TLE4: variants seen among roughly 807,000 people sequenced by gnomAD.
TLE4 encodes the protein TLE family member 4, transcriptional corepressor.
Under a neutral mutation model 92.8 loss-of-function variants are expected in TLE4, and 8 were observed. That is an observed-to-expected ratio of 0.09 (90% CI 0.05 to 0.16). The LOEUF (loss-of-function observed/expected upper bound fraction) is 0.16. Among genes scored for constraint, TLE4 ranks in the 10% least tolerant of loss-of-function variants. The probability of loss-of-function intolerance (pLI) is 1.00; values close to 1 mark genes in which losing one functional copy is unlikely to be tolerated. For missense variants in TLE4, 675 were observed against 997.6 expected (o/e 0.68, Z 4.36); for synonymous variants, 371 against 374.1 (o/e 0.99, Z 0.10).
At chr9:79,608,295 A>T (rs529803770) in intron 4 of TLE4, among the ~76,000 whole-genome samples, 3 of 152,178 alleles carry the variant, frequency 2.0e-5, no homozygotes, top group South Asian at 4.1e-4. Flanking sequence ...TTTTTAATCT[A>T]GGGTCAGGCA....
At chr9:79,685,609 A>C (rs2065679295) in intron 8 of TLE4, among the ~76,000 whole-genome samples, 1 of 152,216 alleles carries the variant, frequency 6.6e-6, no homozygotes, top group South Asian at 2.1e-4. Flanking sequence ...GGATTATTCA[A>C]GCCTTTCCTA....
chr9:79,719,043 T>C lies in TLE4; in HGVS notation c.1590+72T>C, dbSNP rs933856727. Reference sequence around the variant, plus strand: ...AGGAGGGGCTGATGAGAGAACTGTATGTATGAGCAACACCACACAGTATTG... The same window carrying C: ...AGGAGGGGCTGATGAGAGAACTGTACGTATGAGCAACACCACACAGTATTG... On this transcript the variant is annotated intron_variant, in intron 15 of 19. Coordinates refer to ENST00000376552, the MANE Select transcript of TLE4 (RefSeq NM_007005.6). 22 of 1,546,032 alleles carry C rather than the reference T, an allele frequency of 1.4e-5. No individual in the cohort carries two copies. The Admixed American group carries it at 2.4e-4, about 17-fold the overall frequency.
chr9:79,590,771 A>G (rs753984586), intron 4 of TLE4, among the ~76,000 whole-genome samples: 5 of 152,194 alleles, frequency 3.3e-5, no homozygotes, highest in African/African-American at 4.8e-5. Flanking sequence ...ATTTTGAATC[A>G]TGCTTTTTTG....
intron 17 of TLE4, 88 bp downstream of exon 17, chr9:79,721,976 C>T (rs1588655123): frequency 6.6e-7 from 1 of 1,516,258 alleles, no homozygotes; most frequent in East Asian, 2.3e-5. Flanking sequence ...ACCATCCTGG[C>T]CAACATGGTG....
chr9:79,668,697 G>A (rs2061788644), intron 8 of TLE4: 2 of 340,922 alleles, frequency 5.9e-6, no homozygotes, highest in African/African-American at 4.5e-5. Flanking sequence ...GCATGACGTT[G>A]AGGTGGGGAG....
intron 8 of TLE4, among the ~76,000 whole-genome samples, chr9:79,670,866 A>G (rs751626836): frequency 5.3e-5 from 8 of 150,960 alleles, no homozygotes; most frequent in Non-Finnish European, 1.2e-4. Context: ...GTAGGTCCTT[A>G]TTGGTTTTTT....
intron 8 of TLE4, among the ~76,000 whole-genome samples, chr9:79,669,455 T>G (rs1171128136): frequency 1.3e-5 from 2 of 152,222 alleles, no homozygotes; most frequent in Non-Finnish European, 2.9e-5. Context: ...AAGAGTGCGT[T>G]TCAGTGATAG....
At chr9:79,646,681 A>G (rs1371424893) in intron 6 of TLE4, among the ~76,000 whole-genome samples, 2 of 152,218 alleles carry the variant, frequency 1.3e-5, no homozygotes, top group Non-Finnish European at 2.9e-5. Flanking sequence ...AAGCTTAAAA[A>G]TGACCACTAA....
chr9:79,718,950 T>A lies in TLE4; in HGVS notation c.1569T>A (p.Pro523=), dbSNP rs1488814376. ...WDISHPGNKS[P]VSQLDCLNRD... Reference sequence around the variant, plus strand: ...TCAGCCACCCAGGCAATAAGAGTCCTGTCTCCCAGCTCGACTGTCTGGTGA... The same window carrying A: ...TCAGCCACCCAGGCAATAAGAGTCCAGTCTCCCAGCTCGACTGTCTGGTGA... Residue 523 remains proline (P), a synonymous_variant, in exon 15 of 20, where the codon CCT becomes CCA. Transcript: ENST00000376552. 6 of 1,611,570 alleles carry A rather than the reference T, an allele frequency of 3.7e-6. No individual in the cohort carries two copies. The South Asian group carries it at 6.6e-5, about 18-fold the overall frequency.
intron 6 of TLE4, among the ~76,000 whole-genome samples, chr9:79,644,009 T>TTA (rs1366823712): frequency 6.6e-6 from 1 of 152,158 alleles, no homozygotes; most frequent in Non-Finnish European, 1.5e-5. Flanking sequence ...GAGTGTTTAT[T>TTA]ATTTGCCAAA....
chr9:79,578,893 A>G (rs1414519714), intron 4 of TLE4, among the ~76,000 whole-genome samples: 2 of 151,260 alleles, frequency 1.3e-5, no homozygotes, highest in African/African-American at 4.9e-5. Context: ...TAAAATATGA[A>G]TCTAAATTTC....
chr9:79,624,703 G>C (rs2052026848), intron 5 of TLE4, among the ~76,000 whole-genome samples: 2 of 152,180 alleles, frequency 1.3e-5, no homozygotes, highest in South Asian at 4.1e-4. Flanking sequence ...GATATCCCCT[G>C]CTGCCTAAGG....
intron 19 of TLE4, 73 bp downstream of exon 19, chr9:79,723,108 A>C: frequency 7.0e-7 from 1 of 1,434,914 alleles, no homozygotes; most frequent in Non-Finnish European, 9.8e-7. Flanking sequence ...CAGATTAATA[A>C]TGTGCAGAAG....
chr9:79,592,276 T>C, intron 4 of TLE4, among the ~76,000 whole-genome samples: 1 of 125,312 alleles, frequency 8.0e-6, no homozygotes, highest in East Asian at 2.1e-4. Flanking sequence ...CTTCTTCTTC[T>C]TTTTTTTTTT....
intron 6 of TLE4, among the ~76,000 whole-genome samples, chr9:79,645,755 T>TA (rs1174159184): frequency 6.6e-6 from 1 of 152,226 alleles, no homozygotes; most frequent in African/African-American, 2.4e-5. Context: ...ATGGAGTACT[T>TA]ACTTGCTTAA....
chr9:79,676,535 G>A (rs543188791), intron 8 of TLE4, among the ~76,000 whole-genome samples: 1 of 152,106 alleles, frequency 6.6e-6, no homozygotes, highest in Non-Finnish European at 1.5e-5. Flanking sequence ...AGGGAAAAAG[G>A]GAATGGAATA....
Position 79,666,194 on chromosome 9 carries a change from TGTGG to T in TLE4, c.609+12125_609+12128del, listed in dbSNP as rs1225982085. 6.3e-3 allele frequency among the ~76,000 whole-genome samples: 826 copies of T among 130,440 alleles called. 3 individuals are homozygous for T. The highest frequency in any genetic ancestry group is 9.2e-3 in the Non-Finnish European group (566 of 61,674). 85.6% of individuals were successfully genotyped at this position (130,440 alleles called of 152,430 possible). A position where few individuals can be genotyped will look rare whatever the true frequency, so the allele number is the denominator to read the frequency against. Reference sequence around the variant, plus strand: ...GTGTGTGTGTGTGTGTGTGTGTGTGTGTGGGTGGGGTTTTTTTTTTTTGTTTTTT... The same window carrying T: ...GTGTGTGTGTGTGTGTGTGTGTGTGTGTGGGGTTTTTTTTTTTTGTTTTTT... On this transcript the variant is annotated intron_variant, in intron 8 of 19. Transcript: ENST00000376552.
At chr9:79,677,179 G>A (rs2063420464) in intron 8 of TLE4, among the ~76,000 whole-genome samples, 1 of 152,124 alleles carries the variant, frequency 6.6e-6, no homozygotes, top group Non-Finnish European at 1.5e-5. Flanking sequence ...AAATGAGACA[G>A]TGTGTGTAAT....
At chr9:79,627,590 C>G (rs1207763146) in intron 6 of TLE4, 142 bp downstream of exon 6, 1 of 777,236 alleles carries the variant, frequency 1.3e-6, no homozygotes, top group East Asian at 2.6e-5. Context: ...CCTTCAATCT[C>G]CTGTGAAATT....
Sources: allele counts gnomAD v4.1 joint callset (sites outside exome capture counted in the v4.1 genomes callset), GRCh38; gene constraint gnomAD v4.1.1; transcripts MANE v1.5; gene names NCBI Gene and HGNC (gene_info 2026-07-23, HGNC 2026-07-21).